Variants in CCDC141 observed in about 807,000 individuals in gnomAD.
CCDC141 encodes coiled-coil domain containing 141.
In CCDC141, 168 loss-of-function variants were observed where a neutral mutation model predicts 181.0. The ratio of observed to expected loss-of-function variants is 0.93; its 90% CI spans 0.82 to 1.05. CCDC141 has a LOEUF of 1.05. Among genes scored for constraint, CCDC141 ranks in the 50% least tolerant of loss-of-function variants. CCDC141 has a pLI of 0.00. For missense variants in CCDC141, 1,902 were observed against 1,788.5 expected, an observed-to-expected ratio of 1.06 and a Z score of -1.14; for synonymous variants, 666 against 642.3, an observed-to-expected ratio of 1.04 and a Z score of -0.56.
At chr2:178,915,282 T>C (rs1414305384) in intron 7 of CCDC141, among the ~76,000 whole-genome samples, 1 of 152,190 alleles carries the variant, frequency 6.6e-6, no homozygotes. Context: ...AAGGAATATA[T>C]ATGATATGAG....
At chr2:179,016,824 G>A (rs948026973) in intron 2 of CCDC141, among the ~76,000 whole-genome samples, 4 of 152,114 alleles carry the variant, frequency 2.6e-5, no homozygotes, top group African/African-American at 9.6e-5. Context: ...GGATGGTAAA[G>A]AGCAGAGTAG....
chr2:178,978,753 A>G (rs923440905), intron 2 of CCDC141, 78 bp from the exon 3 acceptor site: 2 of 1,107,144 alleles, frequency 1.8e-6, no homozygotes, highest in African/African-American at 3.3e-5. Context: ...AAACACTTGG[A>G]TAGTAGAAAT....
chr2:179,005,174 A>G (rs974143511), intron 2 of CCDC141, among the ~76,000 whole-genome samples: 5 of 152,226 alleles, frequency 3.3e-5, no homozygotes, highest in Non-Finnish European at 7.3e-5. Context: ...AATATTTTCA[A>G]CTACACATGA....
intron 2 of CCDC141, among the ~76,000 whole-genome samples, chr2:179,022,867 G>C (rs2042726797): frequency 6.6e-6 from 1 of 152,150 alleles, no homozygotes; most frequent in Non-Finnish European, 1.5e-5. Context: ...GATGCTATGT[G>C]ACGTGGTTCC....
chr2:178,923,139 C>G (rs569281871), intron 6 of CCDC141, among the ~76,000 whole-genome samples: 1 of 143,576 alleles, frequency 7.0e-6, no homozygotes, highest in African/African-American at 2.6e-5. Flanking sequence ...GAGTCTCGCT[C>G]TGTCGCCCAG....
intron 19 of CCDC141, 67 bp from the exon 20 acceptor site, chr2:178,853,691 C>G: frequency 7.3e-7 from 1 of 1,360,728 alleles, no homozygotes. Context: ...TAATTTTGAC[C>G]AGTGAAGTAT....
At position 178,837,737 on chromosome 2, in the gene CCDC141, A is replaced by C; in HGVS notation, c.3482T>G (p.Val1161Gly). Residue 1161 changes from valine (V) to glycine (G), a missense_variant, in exon 23 of 24, where the codon GTG (valine) becomes GGG (glycine). Val to Gly is a moderately radical substitution (Grantham distance 109, BLOSUM62 -3). Coordinates refer to ENST00000443758, the MANE Select transcript of CCDC141 (RefSeq NM_173648.4). ...GATGCCCAAAAGATCTGCCACCTGC[A>C]CCTGCCCCTTGAAAAAAGAAAAGCC... The part of the protein sequence containing the change: ...IFNEERNKGQ[V>G]QVADLLGING... 2 of 1,589,848 alleles carry C rather than the reference A, an allele frequency of 1.3e-6. No individual in the cohort carries two copies.
In CCDC141 at chr2:178,888,518, C is replaced by T. The variant is rs7573293; in HGVS notation, c.1407+9G>A. ...ACTTAGATATTTAAGTTTTAGTTTA[C>T]GAAACTACCTTCCGTAGGTAACCCT... On this transcript the variant is annotated intron_variant, in intron 9 of 23. Coordinates refer to ENST00000443758, the MANE Select transcript of CCDC141 (RefSeq NM_173648.4). The T allele has an allele frequency of 0.69, 1,074,456 of 1,548,556 alleles. 381,039 individuals carry two copies. The highest frequency in any genetic ancestry group is 0.76 in the Admixed American group (38,652 of 50,966).
chr2:179,021,440 G>T lies in CCDC141; in HGVS notation c.225+25844C>A, dbSNP rs867453166. Among the ~76,000 whole-genome samples, 4 of 152,160 alleles carry T rather than the reference G, an allele frequency of 2.6e-5. No homozygotes were observed. In the South Asian group the frequency reaches 8.3e-4, roughly 32 times the overall value. On this transcript the variant is annotated intron_variant, in intron 2 of 23. Transcript: ENST00000443758. Reference sequence around the variant, plus strand: ...TGATTGGCTTCAGTTTGAAATAGAAGCTGCAGCTAATGAGCTGCTGAAAAC... The same window carrying T: ...TGATTGGCTTCAGTTTGAAATAGAATCTGCAGCTAATGAGCTGCTGAAAAC...
At chr2:179,028,787 CACTCA>C in intron 2 of CCDC141, among the ~76,000 whole-genome samples, 1 of 152,144 alleles carries the variant, frequency 6.6e-6, no homozygotes, top group Non-Finnish European at 1.5e-5. Flanking sequence ...TGTTCACTCT[CACTCA>C]AAACCCCAGT....
At chr2:178,960,322 C>T (rs981425794) in intron 5 of CCDC141, among the ~76,000 whole-genome samples, 5 of 152,274 alleles carry the variant, frequency 3.3e-5, no homozygotes, top group African/African-American at 1.2e-4. Flanking sequence ...GATAAGCTCT[C>T]ATTTTTCCAG....
chr2:179,041,851 CAAG>C (rs1216233489), intron 2 of CCDC141, among the ~76,000 whole-genome samples: 1 of 152,072 alleles, frequency 6.6e-6, no homozygotes, highest in African/African-American at 2.4e-5. Context: ...TTCAGTTCAA[CAAG>C]AAGAGCTGAA....
chr2:178,855,800 T>C (rs533218114), intron 18 of CCDC141, among the ~76,000 whole-genome samples: 1 of 152,316 alleles, frequency 6.6e-6, no homozygotes, highest in South Asian at 2.1e-4. Flanking sequence ...TTAAAGACAT[T>C]GATGATTAAA....
At chr2:179,021,235 G>A (rs1410670601) in intron 2 of CCDC141, among the ~76,000 whole-genome samples, 1 of 152,124 alleles carries the variant, frequency 6.6e-6, no homozygotes, top group Non-Finnish European at 1.5e-5. Context: ...CTGCTGACAG[G>A]CATAATGAAT....
Position 179,050,125 on chromosome 2 carries a change from G to A in CCDC141, c.-184C>T, listed in dbSNP as rs2043631461. 1 of 841,716 alleles carries A rather than the reference G, an allele frequency of 1.2e-6. No individual in the cohort carries two copies. The highest frequency in any genetic ancestry group is 1.7e-6 in the Non-Finnish European group (1 of 580,396). The allele number at this position is 841,716 out of a possible 1,614,324, so 52.1% of individuals were successfully genotyped here. A position where few individuals can be genotyped will look rare whatever the true frequency, so the allele number is the denominator to read the frequency against. ...GACAACCCCATTGAGTTTATCGTGA[G>A]AGAGAAAGGAGCGAACGAGAGAGAA... is the stretch of plus-strand genomic sequence containing the variant. On this transcript the variant is annotated 5_prime_UTR_variant, in exon 1 of 24. Coordinates refer to ENST00000443758, the MANE Select transcript of CCDC141 (RefSeq NM_173648.4).
chr2:178,981,344 G>A (rs1380713373), intron 2 of CCDC141, among the ~76,000 whole-genome samples: 1 of 151,206 alleles, frequency 6.6e-6, no homozygotes, highest in Non-Finnish European at 1.5e-5. Flanking sequence ...CCATATCCTG[G>A]GCCATAAAAC....
intron 2 of CCDC141, among the ~76,000 whole-genome samples, chr2:179,015,442 T>G (rs2042463202): frequency 4.4e-5 from 6 of 136,264 alleles, no homozygotes; most frequent in Non-Finnish European, 9.5e-5. Flanking sequence ...ACCATATATA[T>G]CTCATATATG....
At chr2:179,043,626 C>T (rs1195658749) in intron 2 of CCDC141, among the ~76,000 whole-genome samples, 2 of 152,152 alleles carry the variant, frequency 1.3e-5, no homozygotes, top group African/African-American at 4.8e-5. Flanking sequence ...AATTCAACAT[C>T]CCTTCATGTT....
At chr2:178,888,040 T>C (rs1436236419) in intron 9 of CCDC141, among the ~76,000 whole-genome samples, 2 of 152,224 alleles carry the variant, frequency 1.3e-5, no homozygotes, top group African/African-American at 2.4e-5. Context: ...AATGACTGTG[T>C]TGCCTTGCAC....
Sources: allele counts gnomAD v4.1 joint callset (sites outside exome capture counted in the v4.1 genomes callset), GRCh38; gene constraint gnomAD v4.1.1; transcripts MANE v1.5; gene names NCBI Gene and HGNC (gene_info 2026-07-23, HGNC 2026-07-21).